The following TENM2 variants were observed in gnomAD, a reference collection of about 807,000 sequenced individuals.
TENM2 encodes the protein teneurin-2.
Under a neutral mutation model 245.2 loss-of-function variants are expected in TENM2, and 52 were observed. That is an observed-to-expected ratio of 0.21 (90% CI 0.17 to 0.27). TENM2 has a LOEUF of 0.27. TENM2 is among the 10% of genes least tolerant of loss of function. The pLI is 1.00. For missense variants in TENM2, 3,046 were observed against 3,666.8 expected, an observed-to-expected ratio of 0.83 and a Z score of 4.37; for synonymous variants, 1,363 against 1,438.9, an observed-to-expected ratio of 0.95 and a Z score of 1.19.
At chr5:168,019,983 T>G (rs1785999655) in intron 5 of TENM2, among the ~76,000 whole-genome samples, 1 of 152,236 alleles carries the variant, frequency 6.6e-6, no homozygotes, top group African/African-American at 2.4e-5. Flanking sequence ...AGTTGGGCTT[T>G]AGAGCAGGGA....
At chr5:168,224,374 C>T (rs965796788) in intron 23 of TENM2, among the ~76,000 whole-genome samples, 32 of 152,312 alleles carry the variant, frequency 2.1e-4, no homozygotes, top group African/African-American at 5.3e-4. Context: ...CTTTAGGCAG[C>T]GCGGTGTACA....
intron 14 of TENM2, among the ~76,000 whole-genome samples, chr5:168,194,604 G>C (rs1341769329): frequency 6.6e-6 from 1 of 151,962 alleles, no homozygotes; most frequent in Non-Finnish European, 1.5e-5. Context: ...TATATTGAAG[G>C]GTTTTGCTAT....
At chr5:167,545,012 C>G (rs1002564197) in intron 2 of TENM2, among the ~76,000 whole-genome samples, 1 of 151,916 alleles carries the variant, frequency 6.6e-6, no homozygotes, top group Non-Finnish European at 1.5e-5. Flanking sequence ...CTCAGTGACC[C>G]TTTTCAAGTC....
intron 1 of TENM2, among the ~76,000 whole-genome samples, chr5:167,310,656 G>A (rs951636091): frequency 6.6e-6 from 1 of 152,044 alleles, no homozygotes; most frequent in African/African-American, 2.4e-5. Flanking sequence ...AACAAATAGA[G>A]TTTCAAATTT....
the TENM2 span, among the ~76,000 whole-genome samples, chr5:167,105,849 C>T: frequency 8.3e-6 from 1 of 120,298 alleles, no homozygotes; most frequent in South Asian, 2.8e-4. Flanking sequence ...GATCCCGCCA[C>T]TGCACTCCAG....
At chr5:167,873,169 G>C (rs1213111863) in intron 2 of TENM2, among the ~76,000 whole-genome samples, 1 of 152,236 alleles carries the variant, frequency 6.6e-6, no homozygotes, top group Non-Finnish European at 1.5e-5. Flanking sequence ...GGGTAACACT[G>C]CTATGAAGGA....
intron 2 of TENM2, among the ~76,000 whole-genome samples, chr5:167,499,276 C>T (rs774219002): frequency 6.6e-6 from 1 of 152,040 alleles, no homozygotes; most frequent in African/African-American, 2.4e-5. Flanking sequence ...TTGCAAGCAG[C>T]GTAGAAAACT....
chr5:167,752,722 G>C (rs1250752324), intron 2 of TENM2, among the ~76,000 whole-genome samples: 1 of 152,168 alleles, frequency 6.6e-6, no homozygotes, highest in African/African-American at 2.4e-5. Flanking sequence ...AGCGTGGCTA[G>C]TCACCTAAGC....
intron 2 of TENM2, among the ~76,000 whole-genome samples, chr5:167,720,693 A>G (rs74834445): frequency 0.015 from 2,222 of 152,302 alleles, 56 homozygotes; most frequent in African/African-American, 0.051. Context: ...GATGTATTCA[A>G]TAGGGAGCAA....
intron 5 of TENM2, among the ~76,000 whole-genome samples, chr5:168,017,000 A>G (rs1785712654): frequency 6.6e-6 from 1 of 152,158 alleles, no homozygotes. Flanking sequence ...ATGGGACTCA[A>G]CCTTGCAATG....
At chr5:167,583,793 T>C (rs906130665) in intron 2 of TENM2, among the ~76,000 whole-genome samples, 1 of 152,190 alleles carries the variant, frequency 6.6e-6, no homozygotes, top group Non-Finnish European at 1.5e-5. Context: ...TCTCCCAATC[T>C]TCTACATTTT....
chr5:167,010,460 G>A, the TENM2 span, among the ~76,000 whole-genome samples: 11 of 152,258 alleles, frequency 7.2e-5, no homozygotes, highest in African/African-American at 2.6e-4. Context: ...TGTCCATTTG[G>A]CATTTTAATA....
At chr5:167,602,646 A>G (rs527729291) in intron 2 of TENM2, among the ~76,000 whole-genome samples, 5 of 152,292 alleles carry the variant, frequency 3.3e-5, no homozygotes, top group African/African-American at 7.2e-5. Context: ...ACATAAATCC[A>G]TCTATTCTTT....
At chr5:167,448,828 G>A (rs1301735933) in intron 2 of TENM2, among the ~76,000 whole-genome samples, 1 of 151,980 alleles carries the variant, frequency 6.6e-6, no homozygotes, top group African/African-American at 2.4e-5. Flanking sequence ...CATGGTGGCT[G>A]AAGGATGATT....
chr5:167,491,196 A>G (rs1398771067), intron 2 of TENM2, among the ~76,000 whole-genome samples: 1 of 152,190 alleles, frequency 6.6e-6, no homozygotes, highest in Non-Finnish European at 1.5e-5. Flanking sequence ...GAGGCAAACA[A>G]TAAATATCTA....
intron 2 of TENM2, 48 bp from the exon 5 acceptor site, chr5:167,875,938 C>G (rs1773385355): frequency 7.5e-7 from 1 of 1,337,198 alleles, no homozygotes; most frequent in African/African-American, 1.5e-5. Flanking sequence ...TTGGGGTGCT[C>G]TCGTGACACT....
At chr5:166,988,347 C>A in the TENM2 span, among the ~76,000 whole-genome samples, 5 of 152,282 alleles carry the variant, frequency 3.3e-5, no homozygotes, top group Non-Finnish European at 7.4e-5. Context: ...TTCCCCATTT[C>A]AACTTTGACT....
intron 25 of TENM2, chr5:168,229,625 C>T (rs1462657975): frequency 6.6e-6 from 1 of 152,060 alleles, no homozygotes; most frequent in East Asian, 1.9e-4. Flanking sequence ...CTTTGGAATC[C>T]CTGAGAGTAG....
At chr5:167,325,510 G>T (rs768620999) in intron 1 of TENM2, among the ~76,000 whole-genome samples, 62 of 152,232 alleles carry the variant, frequency 4.1e-4, no homozygotes, top group Admixed American at 3.5e-3. Flanking sequence ...TGCAAATCCA[G>T]TAACTCATTG....
Sources: gnomAD v4.1 joint callset for allele counts (sites outside exome capture counted in the v4.1 genomes callset) on GRCh38, gnomAD v4.1.1 for gene constraint, MANE v1.5 for transcripts, NCBI Gene and HGNC (gene_info 2026-07-23, HGNC 2026-07-21) for gene names.